Variants in KIAA0586 observed in about 807,000 individuals in gnomAD.
The protein encoded by KIAA0586 is KIAA0586, also known as protein TALPID3.
In KIAA0586, 144 loss-of-function variants were observed where a neutral mutation model predicts 169.8. That is an observed-to-expected ratio of 0.85 (90% CI 0.74 to 0.97). The LOEUF is 0.97. Among genes scored for constraint, KIAA0586 ranks in the 50% least tolerant of loss-of-function variants. KIAA0586 has a pLI of 0.00. For missense variants in KIAA0586, 1,854 were observed against 1,823.0 expected, an observed-to-expected ratio of 1.02 and a Z score of -0.31; for synonymous variants, 625 against 612.4, an observed-to-expected ratio of 1.02 and a Z score of -0.30.
chr14:58,479,058 G>A (rs2041854702), intron 20 of KIAA0586, among the ~76,000 whole-genome samples: 1 of 152,084 alleles, frequency 6.6e-6, no homozygotes, highest in Non-Finnish European at 1.5e-5. Flanking sequence ...ATTTTGGTTG[G>A]TCATATGATA....
At chr14:58,502,556 A>G (rs992429596) in intron 27 of KIAA0586, among the ~76,000 whole-genome samples, 1 of 152,212 alleles carries the variant, frequency 6.6e-6, no homozygotes, top group African/African-American at 2.4e-5. Flanking sequence ...AAAGGTGTAG[A>G]TACCAGGAGG....
intron 18 of KIAA0586, 129 bp downstream of exon 18, chr14:58,472,408 A>C (rs1456472959): frequency 1.1e-5 from 5 of 445,212 alleles, no homozygotes; most frequent in African/African-American, 1.0e-4. Context: ...TGAGTTAAAT[A>C]TACTTTTAAA....
rs140177168 is a variant in KIAA0586, at chr14:58,456,883, G to C, written c.1362+73G>C. 30 of 829,390 alleles carry C rather than the reference G, an allele frequency of 3.6e-5. No individual in the cohort carries two copies. In the East Asian group the frequency reaches 7.7e-4, roughly 21 times the overall value. 51.4% of individuals were successfully genotyped at this position (829,390 alleles called of 1,614,324 possible). A position where few individuals can be genotyped will look rare whatever the true frequency, so the allele number is the denominator to read the frequency against. Reference sequence around the variant, plus strand: ...TAAAAAGGAATAAAAGAGTTATAAAGATAGAAATTAGGAGGAAGGATGAAG... The same window carrying C: ...TAAAAAGGAATAAAAGAGTTATAAACATAGAAATTAGGAGGAAGGATGAAG... On this transcript the variant is annotated intron_variant, in intron 10 of 30. Coordinates refer to ENST00000652326, the MANE Select transcript of KIAA0586 (RefSeq NM_001329943.3).
chr14:58,545,873 A>G (rs979200172), intron 30 of KIAA0586, among the ~76,000 whole-genome samples: 6 of 151,900 alleles, frequency 3.9e-5, no homozygotes, highest in African/African-American at 1.5e-4. Flanking sequence ...CTCTACAAAA[A>G]ATTTTTAAAA....
At chr14:58,468,446 A>G (rs915281415) in intron 16 of KIAA0586, among the ~76,000 whole-genome samples, 4 of 152,220 alleles carry the variant, frequency 2.6e-5, no homozygotes, top group Admixed American at 6.5e-5. Context: ...CTTATATACA[A>G]GTGGCTTGGT....
intron 3 of KIAA0586, among the ~76,000 whole-genome samples, chr14:58,431,233 A>G (rs1327651901): frequency 1.3e-5 from 2 of 152,170 alleles, no homozygotes; most frequent in Admixed American, 6.5e-5. Context: ...GTTATTACCA[A>G]CCTATTGCAG....
chr14:58,498,254 C>T (rs1268449545), intron 26 of KIAA0586, among the ~76,000 whole-genome samples: 1 of 151,988 alleles, frequency 6.6e-6, no homozygotes, highest in East Asian at 1.9e-4. Context: ...TCGCTCACTG[C>T]AGCCTCTGCC....
intron 25 of KIAA0586, among the ~76,000 whole-genome samples, chr14:58,491,433 T>G (rs959028547): frequency 6.6e-6 from 1 of 152,210 alleles, no homozygotes; most frequent in African/African-American, 2.4e-5. Context: ...ACTTATAATC[T>G]GGAGTTAATA....
intron 9 of KIAA0586, 73 bp downstream of exon 9, chr14:58,453,546 C>A: frequency 1.8e-6 from 2 of 1,081,766 alleles, no homozygotes; most frequent in Non-Finnish European, 2.6e-6. Flanking sequence ...TTCTTTGGGA[C>A]TTTTAATAAA....
intron 27 of KIAA0586, among the ~76,000 whole-genome samples, chr14:58,501,790 A>G (rs2043590059): frequency 6.6e-6 from 1 of 152,206 alleles, no homozygotes; most frequent in African/African-American, 2.4e-5. Flanking sequence ...TTTATGTGTC[A>G]AGTGGGGATA....
At chr14:58,429,469 A>C in intron 2 of KIAA0586, 36 bp downstream of exon 2, 3 of 1,155,812 alleles carry the variant, frequency 2.6e-6, no homozygotes, top group Non-Finnish European at 3.9e-6. Flanking sequence ...CTCACGTTAA[A>C]ATTTTCAGTA....
At chr14:58,556,257 A>G (rs188042300), downstream of KIAA0586, among the ~76,000 whole-genome samples, 1 of 152,360 alleles carries the variant, frequency 6.6e-6, no homozygotes, top group East Asian at 1.9e-4. Flanking sequence ...ACATTAGCCC[A>G]TGGAGCAGCT....
At chr14:58,436,437 C>T (rs1038300303) in intron 4 of KIAA0586, among the ~76,000 whole-genome samples, 1 of 151,566 alleles carries the variant, frequency 6.6e-6, no homozygotes, top group Admixed American at 6.6e-5. Context: ...GGGAAATAAC[C>T]AAAGGCTAAG....
In KIAA0586 at chr14:58,482,557, G is replaced by C. The variant is rs777350809; in HGVS notation, c.2989G>C (p.Gly997Arg). Residue 997 changes from glycine to arginine, a missense_variant, in exon 21 of 31, where the codon GGT becomes CGT. Transcript: ENST00000652326. ...SGALQLFVDA[G>R]VPVNSNVIKH... ...CGCCCTCCAGCTTTTTGTTGATGCTGGTGTTCCTGTGAACTCAAATGTGAT... is the reference window on the plus strand; with the variant it reads ...CGCCCTCCAGCTTTTTGTTGATGCTCGTGTTCCTGTGAACTCAAATGTGAT... The C allele has an allele frequency of 1.1e-5, 17 of 1,577,530 alleles. No individual in the cohort carries two copies. In the South Asian group the frequency reaches 2.0e-4, roughly 18 times the overall value.
intron 29 of KIAA0586, among the ~76,000 whole-genome samples, chr14:58,526,613 A>G (rs2045601252): frequency 6.6e-6 from 1 of 152,204 alleles, no homozygotes; most frequent in Non-Finnish European, 1.5e-5. Context: ...AACCAGTGCA[A>G]AAAGCCTGAA....
intron 27 of KIAA0586, among the ~76,000 whole-genome samples, chr14:58,501,142 A>G (rs888777610): frequency 2.0e-5 from 3 of 152,262 alleles, no homozygotes; most frequent in African/African-American, 7.2e-5. Context: ...GGAGGCATGC[A>G]GATTTGCCAG....
rs142310844 is a variant in KIAA0586 at position 58,447,441 on chromosome 14, A to ATATTTTATTTTATTT, written c.808-877_808-863dup. 9.1e-3 allele frequency among the ~76,000 whole-genome samples: 1,194 copies of ATATTTTATTTTATTT among 130,584 alleles called. 2 individuals carry two copies. The highest frequency in any genetic ancestry group is 0.017 in the South Asian group (65 of 3,892). The allele number at this position is 130,584 out of a possible 152,430, so 85.7% of individuals were successfully genotyped here. On this transcript the variant is annotated intron_variant, in intron 6 of 30. Transcript: ENST00000652326. Reference sequence around the variant, plus strand: ...TAGTTAAGATACTTGCTCATTTCAGATATTTTATTTTATTTTATTTTATTT... The same window carrying ATATTTTATTTTATTT: ...TAGTTAAGATACTTGCTCATTTCAGATATTTTATTTTATTTTATTTTATTTTATTTTATTTTATTT...
intron 27 of KIAA0586, among the ~76,000 whole-genome samples, chr14:58,499,556 T>C (rs2043407417): frequency 6.7e-6 from 1 of 148,382 alleles, no homozygotes; most frequent in Non-Finnish European, 1.5e-5. Context: ...CTAGCCTATT[T>C]TATTTTATTT....
chr14:58,432,262 G>T, intron 3 of KIAA0586, 126 bp from the exon 4 acceptor site: 1 of 596,526 alleles, frequency 1.7e-6, no homozygotes, highest in Non-Finnish European at 2.9e-6. Context: ...TGTCCTTTTC[G>T]ATCGTGGAAT....
Sources: gnomAD v4.1 joint callset for allele counts (sites outside exome capture counted in the v4.1 genomes callset) on GRCh38, gnomAD v4.1.1 for gene constraint, MANE v1.5 for transcripts, NCBI Gene and HGNC (gene_info 2026-07-23, HGNC 2026-07-21) for gene names.